Variants in UNC13A observed in about 807,000 individuals in gnomAD.
UNC13A encodes the protein unc-13 homolog A, also known as protein unc-13 homolog A.
UNC13A carries 61 observed loss-of-function variants against 219.7 expected under a neutral mutation model. That is an observed-to-expected ratio of 0.28 (90% CI 0.23 to 0.34). UNC13A has a LOEUF of 0.34. UNC13A is among the 10% of genes least tolerant of loss of function. UNC13A has a pLI of 1.00. For synonymous variants in UNC13A, 920 were observed against 884.6 expected, an observed-to-expected ratio of 1.04 and a Z score of -0.71; for missense variants, 1,476 against 2,270.3, an observed-to-expected ratio of 0.65 and a Z score of 7.11.
At chr19:17,669,420 G>A (rs770437242) in intron 5 of UNC13A, 133 bp downstream of exon 5, 17 of 1,291,042 alleles carry the variant, frequency 1.3e-5, no homozygotes, top group South Asian at 5.1e-5. Flanking sequence ...TCTCTCCTCC[G>A]GGGCGAAGGA....
intron 1 of UNC13A, among the ~76,000 whole-genome samples, chr19:17,683,857 G>C (rs1467297804): frequency 1.3e-5 from 2 of 152,122 alleles, no homozygotes; most frequent in Non-Finnish European, 2.9e-5. Context: ...GGGAGGCTGA[G>C]GAGGGTGAAT....
rs1220769296 is a variant in UNC13A at position 17,655,933 on chromosome 19, C to T, written c.1233G>A (p.Val411=). Residue 411 remains valine (V), a synonymous_variant, in exon 10 of 44, where the codon GTG becomes GTA. Transcript: ENST00000519716. ...CCTCAGGGATCTGCTCAGCTGCAGG[C>T]ACCTTGTCGGGCGTGGCTGGCTTGG... ...VAPKPATPDK[V]PAAEQIPEAE... is the part of the protein sequence containing the mutation. 6.5e-7 allele frequency: 1 copy of T among 1,540,056 alleles called. No homozygotes were observed. The highest frequency in any genetic ancestry group is 1.4e-5 in the African/African-American group (1 of 72,550).
At chr19:17,678,227 C>G (rs1274735027) in intron 1 of UNC13A, among the ~76,000 whole-genome samples, 2 of 152,114 alleles carry the variant, frequency 1.3e-5, no homozygotes, top group African/African-American at 4.8e-5. Flanking sequence ...GCCTGTAATC[C>G]CAGCACTTTG....
intron 19 of UNC13A, among the ~76,000 whole-genome samples, chr19:17,643,201 G>A (rs1038802115): frequency 3.2e-4 from 48 of 152,126 alleles, no homozygotes; most frequent in African/African-American, 1.1e-3. Flanking sequence ...TAGTAGAGAC[G>A]GGGTTTCACC....
chr19:17,643,306 C>T (rs899166168), intron 19 of UNC13A, among the ~76,000 whole-genome samples: 1 of 151,664 alleles, frequency 6.6e-6, no homozygotes, highest in Admixed American at 6.6e-5. Flanking sequence ...GTCACCGCGC[C>T]CGGCCAGCCA....
Position 17,645,722 on chromosome 19 carries a change from T to C in UNC13A, c.2308A>G (p.Ile770Val). ...TCGCCGCTGAGCGTCCGCACCTCAA[T>C]GATCGTCTGCCCCAGGAAATCGTCA... is the stretch of plus-strand genomic sequence containing the variant. ...ESDDFLGQTI[I>V]EVRTLSGEMD... The change falls in exon 19 of 44, where the codon ATT becomes GTT. Residue 770 changes from isoleucine to valine, a missense_variant. By Grantham distance (29) the Ile-to-Val change is conservative. Transcript: ENST00000519716. 1 of 1,614,254 alleles carries C rather than the reference T, an allele frequency of 6.2e-7. No individual in the cohort carries two copies. Among genetic ancestry groups the C allele is most frequent in the African/African-American group, 1.3e-5 (1 of 75,070 alleles).
At chr19:17,623,315 C>T (rs1033219205) in intron 36 of UNC13A, 1 of 486,182 alleles carries the variant, frequency 2.1e-6, no homozygotes, top group African/African-American at 2.0e-5. Flanking sequence ...TGGGGCTCCT[C>T]TGGACTTCAG....
At chr19:17,621,096 A>C (rs2076725071) in intron 37 of UNC13A, among the ~76,000 whole-genome samples, 1 of 152,146 alleles carries the variant, frequency 6.6e-6, no homozygotes, top group South Asian at 2.1e-4. Context: ...AAGTCTACAA[A>C]AAACATATTA....
chr19:17,652,484 GA>G (rs1229238399), intron 12 of UNC13A, 146 bp downstream of exon 12: 1 of 925,786 alleles, frequency 1.1e-6, no homozygotes, highest in African/African-American at 1.6e-5. Flanking sequence ...TGTGCCTTAT[GA>G]AAGTGACGTA....
At chr19:17,610,980 C>T (rs1033217267) in intron 42 of UNC13A, among the ~76,000 whole-genome samples, 1 of 152,068 alleles carries the variant, frequency 6.6e-6, no homozygotes, top group South Asian at 2.1e-4. Flanking sequence ...CTGCAGTGTG[C>T]TGTGATTGCA....
chr19:17,669,827 CCCTT>C (rs972677275), intron 4 of UNC13A, among the ~76,000 whole-genome samples, 151 bp from the exon 5 acceptor site: 4 of 151,282 alleles, frequency 2.6e-5, no homozygotes, highest in African/African-American at 4.9e-5. Flanking sequence ...TTCCTTCCTT[CCCTT>C]CCTTCCTTCC....
Position 17,674,255 on chromosome 19 carries a change from G to A in UNC13A, c.152+402C>T, listed in dbSNP as rs1444996342. ...GTGGCTGGGGCAGGTGAGGGAGATA[G>A]AGCGAGAACCTGGTGGGAATCACGG... On this transcript the variant is annotated intron_variant, in intron 3 of 43. Coordinates refer to ENST00000519716, the MANE Select transcript of UNC13A (RefSeq NM_001080421.3). This position sits in a 1 kb window ranked among gnomAD's most constrained non-coding sequence, Gnocchi z 5.0. Among the ~76,000 whole-genome samples the A allele has an allele frequency of 6.6e-6, 1 of 152,240 alleles. No homozygotes were observed. Among genetic ancestry groups the A allele is most frequent in the African/African-American group, 2.4e-5 (1 of 41,466 alleles).
chr19:17,630,735 G>A lies in UNC13A; in HGVS notation c.3444C>T (p.Phe1148=), dbSNP rs570146186. 5.0e-6 allele frequency: 8 copies of A among 1,613,774 alleles called. No homozygotes were observed. The South Asian group carries it at 7.7e-5, about 16-fold the overall frequency. Residue 1148 remains phenylalanine (F), a synonymous_variant, in exon 29 of 44, where the codon TTC becomes TTT. Coordinates refer to ENST00000519716, the MANE Select transcript of UNC13A (RefSeq NM_001080421.3). ...CATTCTCATCCAGCCACTGGATGAC[G>A]AAGGGTTCAAACCATCTGGAATGAA... ...VPEYPAWFEP[F]VIQWLDENEE...
At chr19:17,630,056 A>T in intron 30 of UNC13A, 89 bp downstream of exon 30, 1 of 1,420,806 alleles carries the variant, frequency 7.0e-7, no homozygotes, top group Non-Finnish European at 9.5e-7. Flanking sequence ...TCCAACCTCA[A>T]CCTCAACCTT....
intron 27 of UNC13A, 61 bp from the exon 28 acceptor site, chr19:17,632,969 A>G: frequency 1.9e-6 from 3 of 1,612,104 alleles, no homozygotes; most frequent in Non-Finnish European, 2.5e-6. Flanking sequence ...GTCTCGGCAG[A>G]GAGGCTGCCT....
chr19:17,653,144 A>C (rs1289441657), intron 11 of UNC13A, among the ~76,000 whole-genome samples: 2 of 151,826 alleles, frequency 1.3e-5, no homozygotes, highest in Non-Finnish European at 2.9e-5. Flanking sequence ...TGGCCCTATG[A>C]GGAACACAGG....
At chr19:17,654,320 G>A (rs894753308) in intron 11 of UNC13A, among the ~76,000 whole-genome samples, 6 of 151,800 alleles carry the variant, frequency 4.0e-5, no homozygotes, top group African/African-American at 1.5e-4. Context: ...TTAATTTCTT[G>A]ACCTAGTGGA....
chr19:17,620,763 G>A (rs768502810), intron 37 of UNC13A, 41 bp from the exon 38 acceptor site: 5 of 1,609,810 alleles, frequency 3.1e-6, no homozygotes, highest in Non-Finnish European at 4.2e-6. Context: ...TCTGGTGACT[G>A]TTGGGAGGAT....
rs1238742333 is a variant in UNC13A, at chr19:17,633,962, CATCT to C, written c.3216-773_3216-770del. ...CTATCCACCCATCCGTTCACCTATC[CATCT>C]ATCTATTCATCTATCCATCCATCCC... On this transcript the variant is annotated intron_variant, in intron 26 of 43. Transcript: ENST00000519716. Among the ~76,000 whole-genome samples the C allele has an allele frequency of 6.0e-5, 9 of 151,108 alleles. No individual in the cohort carries two copies. In the East Asian group the frequency reaches 1.6e-3, roughly 26 times the overall value.
Sources: gnomAD v4.1 joint callset for allele counts (sites outside exome capture counted in the v4.1 genomes callset) on GRCh38, gnomAD v4.1.1 for gene constraint, Gnocchi (gnomAD v3.1) non-coding constraint, MANE v1.5 for transcripts, NCBI Gene and HGNC (gene_info 2026-07-23, HGNC 2026-07-21) for gene names.